RALGAPA2: variants seen among roughly 807,000 people sequenced by gnomAD.
RALGAPA2 encodes the protein ral GTPase-activating protein subunit alpha-2.
Under a neutral mutation model 230.4 loss-of-function variants are expected in RALGAPA2, and 139 were observed. The ratio of observed to expected loss-of-function variants is 0.60; its 90% CI spans 0.53 to 0.69. The LOEUF (loss-of-function observed/expected upper bound fraction) is 0.69. Ranked by LOEUF, RALGAPA2 falls within the 30% of genes least tolerant of loss-of-function variation. RALGAPA2 has a pLI of 0.00. For synonymous variants in RALGAPA2, 847 were observed against 837.8 expected (o/e 1.01, Z -0.19); for missense variants, 2,163 against 2,276.0 (o/e 0.95, Z 1.01).
intron 37 of RALGAPA2, among the ~76,000 whole-genome samples, chr20:20,456,403 GGAAGACAGAGA>G (rs1354033067): frequency 6.6e-6 from 1 of 152,238 alleles, no homozygotes; most frequent in East Asian, 1.9e-4. Context: ...CACCAGCTAT[GGAAGACAGAGA>G]GAAATGTCCG....
chr20:20,544,251 C>T (rs929339493), intron 24 of RALGAPA2, among the ~76,000 whole-genome samples: 3 of 151,444 alleles, frequency 2.0e-5, no homozygotes, highest in East Asian at 1.9e-4. Flanking sequence ...GAAACTCCAT[C>T]TCTACTAAAA....
chr20:20,535,169 T>G (rs763124772), intron 26 of RALGAPA2, among the ~76,000 whole-genome samples: 2 of 152,172 alleles, frequency 1.3e-5, no homozygotes, highest in Non-Finnish European at 2.9e-5. Context: ...GGTGATCTTA[T>G]GGGGTTTGAA....
chr20:20,655,553 C>T (rs1425879094), intron 3 of RALGAPA2, among the ~76,000 whole-genome samples: 1 of 152,146 alleles, frequency 6.6e-6, no homozygotes, highest in African/African-American at 2.4e-5. Context: ...ACAGGAACCA[C>T]AGCAGCAGGA....
chr20:20,653,011 T>A (rs1393051714), intron 4 of RALGAPA2, among the ~76,000 whole-genome samples: 1 of 150,952 alleles, frequency 6.6e-6, no homozygotes, highest in Non-Finnish European at 1.5e-5. Context: ...GCCAACATGG[T>A]GAAACCCCAT....
intron 10 of RALGAPA2, among the ~76,000 whole-genome samples, chr20:20,626,551 A>G (rs1335565487): frequency 6.6e-6 from 1 of 152,230 alleles, no homozygotes; most frequent in African/African-American, 2.4e-5. Context: ...AGAGCACACT[A>G]TTGCCAGGGG....
intron 1 of RALGAPA2, among the ~76,000 whole-genome samples, chr20:20,702,399 G>A (rs553535261): frequency 3.9e-5 from 6 of 152,258 alleles, no homozygotes; most frequent in South Asian, 4.1e-4. Context: ...TTTAGACCAC[G>A]ATGCAGGTCT....
intron 12 of RALGAPA2, among the ~76,000 whole-genome samples, chr20:20,618,167 C>G (rs1301303088): frequency 1.3e-5 from 2 of 152,128 alleles, no homozygotes; most frequent in Non-Finnish European, 2.9e-5. Flanking sequence ...GTAAATGTAA[C>G]TCAACCTTTC....
At chr20:20,395,896 C>T (rs1023331293) in intron 39 of RALGAPA2, among the ~76,000 whole-genome samples, 1 of 152,212 alleles carries the variant, frequency 6.6e-6, no homozygotes, top group Non-Finnish European at 1.5e-5. Flanking sequence ...GGCTCAGGAA[C>T]GGCAGCTCGC....
intron 39 of RALGAPA2, among the ~76,000 whole-genome samples, chr20:20,396,227 A>G (rs1389050772): frequency 6.6e-6 from 1 of 152,068 alleles, no homozygotes; most frequent in East Asian, 1.9e-4. Context: ...CAGCTGTTCC[A>G]TTCAGCAGCC....
At chr20:20,406,161 G>GT (rs2059941003) in intron 38 of RALGAPA2, among the ~76,000 whole-genome samples, 1 of 152,062 alleles carries the variant, frequency 6.6e-6, no homozygotes, top group Non-Finnish European at 1.5e-5. Context: ...AATACCCTCA[G>GT]TTTTTTCTTT....
intron 1 of RALGAPA2, among the ~76,000 whole-genome samples, chr20:20,710,199 A>G (rs1333613748): frequency 2.0e-5 from 3 of 152,192 alleles, no homozygotes; most frequent in Non-Finnish European, 4.4e-5. Context: ...AAAATATATG[A>G]AAAGCAAAAG....
rs1367947903 is a variant in RALGAPA2 at position 20,711,327 on chromosome 20, G to A, written c.106+1048C>T. Reference sequence around the variant, plus strand: ...ATTCTTTCAAGTGACAGACACATTAGCACTAGGCGATTTTTGTGAATTTTG... The same window carrying A: ...ATTCTTTCAAGTGACAGACACATTAACACTAGGCGATTTTTGTGAATTTTG... On this transcript the variant is annotated intron_variant, in intron 1 of 39. Coordinates refer to ENST00000202677, the MANE Select transcript of RALGAPA2 (RefSeq NM_020343.4). Among the ~76,000 whole-genome samples the A allele has an allele frequency of 4.6e-5, 7 of 152,178 alleles. No individual in the cohort carries two copies. The East Asian group carries it at 1.2e-3, about 25-fold the overall frequency.
Position 20,629,357 on chromosome 20 carries a change from A to ACACT in RALGAPA2, c.1233+5_1233+6insAGTG, listed in dbSNP as rs2146415250. 2 of 1,542,888 alleles carry ACACT rather than the reference A, an allele frequency of 1.3e-6. No individual in the cohort carries two copies. Among genetic ancestry groups the ACACT allele is most frequent in the Non-Finnish European group, 1.8e-6 (2 of 1,133,832 alleles). ...CACACACACACACACACACACACAC[A>ACACT]CTAACCTGGTGAAATACTTCATTCA... On this transcript the variant is annotated splice_donor_region_variant and intron_variant, in intron 10 of 39. Coordinates refer to ENST00000202677, the MANE Select transcript of RALGAPA2 (RefSeq NM_020343.4).
chr20:20,573,791 T>C (rs1695552141), intron 20 of RALGAPA2, among the ~76,000 whole-genome samples: 1 of 152,256 alleles, frequency 6.6e-6, no homozygotes, highest in South Asian at 2.1e-4. Context: ...TTCTTATTAC[T>C]GATTAATATT....
intron 3 of RALGAPA2, among the ~76,000 whole-genome samples, chr20:20,661,533 G>T (rs2067777516): frequency 6.6e-6 from 1 of 152,134 alleles, no homozygotes; most frequent in Non-Finnish European, 1.5e-5. Context: ...ATAGTTATTG[G>T]AATGAAAATA....
At chr20:20,637,625 G>T in intron 7 of RALGAPA2, 124 bp from the exon 8 acceptor site, 2 of 848,002 alleles carry the variant, frequency 2.4e-6, no homozygotes, top group Non-Finnish European at 3.6e-6. Context: ...AAATAATATT[G>T]ACAATCATGT....
chr20:20,705,988 A>G (rs2069586686), intron 1 of RALGAPA2, among the ~76,000 whole-genome samples: 1 of 152,192 alleles, frequency 6.6e-6, no homozygotes, highest in Non-Finnish European at 1.5e-5. Flanking sequence ...TAAATAAAAA[A>G]TTCTCTATAG....
chr20:20,535,080 G>C (rs2063465353), intron 26 of RALGAPA2, among the ~76,000 whole-genome samples: 1 of 152,212 alleles, frequency 6.6e-6, no homozygotes, highest in Non-Finnish European at 1.5e-5. Context: ...ATGATGGGCT[G>C]CTGTCTTGGA....
chr20:20,575,206 G>A (rs1051627244), intron 20 of RALGAPA2, among the ~76,000 whole-genome samples: 26 of 152,028 alleles, frequency 1.7e-4, no homozygotes, highest in African/African-American at 6.0e-4. Context: ...ATATTTGAAT[G>A]CCATCCATAT....
Sources: gnomAD v4.1 joint callset for allele counts (sites outside exome capture counted in the v4.1 genomes callset) on GRCh38, gnomAD v4.1.1 for gene constraint, MANE v1.5 for transcripts, NCBI Gene and HGNC (gene_info 2026-07-23, HGNC 2026-07-21) for gene names.